Variants in DOCK4 observed in about 807,000 individuals in gnomAD.
The protein encoded by DOCK4 is dedicator of cytokinesis protein 4.
DOCK4 carries 97 observed loss-of-function variants against 268.1 expected under a neutral mutation model. The ratio of observed to expected loss-of-function variants is 0.36; its 90% CI spans 0.31 to 0.43. DOCK4 has a LOEUF of 0.43. Among genes scored for constraint, DOCK4 ranks in the 20% least tolerant of loss-of-function variants. The probability of loss-of-function intolerance (pLI) is 1.00; values close to 1 mark genes in which losing one functional copy is unlikely to be tolerated. For missense variants in DOCK4, 2,145 were observed against 2,455.7 expected (o/e 0.87, Z 2.67); for synonymous variants, 954 against 887.2 (o/e 1.08, Z -1.34).
chr7:112,024,301 CT>C (rs1458206331), intron 1 of DOCK4, among the ~76,000 whole-genome samples: 1 of 152,150 alleles, frequency 6.6e-6, no homozygotes, highest in African/African-American at 2.4e-5. Context: ...CTAGTTGGAG[CT>C]TTTCCCTTGA....
chr7:112,018,235 T>TGTTATTTCC (rs1461221509), intron 1 of DOCK4, among the ~76,000 whole-genome samples: 1 of 147,972 alleles, frequency 6.8e-6, no homozygotes, highest in Non-Finnish European at 1.5e-5. Flanking sequence ...AATAAAACTC[T>TGTTATTTCC]GTTATTTCCA....
chr7:112,097,333 G>A (rs1182827033), intron 1 of DOCK4, among the ~76,000 whole-genome samples: 1 of 150,404 alleles, frequency 6.6e-6, no homozygotes, highest in Non-Finnish European at 1.5e-5. Flanking sequence ...CAGCACCTTG[G>A]GAGGCCGTGG....
At chr7:111,838,895 A>C (rs1292696283) in intron 25 of DOCK4, among the ~76,000 whole-genome samples, 1 of 152,258 alleles carries the variant, frequency 6.6e-6, no homozygotes, top group Non-Finnish European at 1.5e-5. Context: ...AATAAAAAAG[A>C]CATATGACAA....
At chr7:111,841,103 T>C (rs572392798) in intron 25 of DOCK4, among the ~76,000 whole-genome samples, 9 of 152,162 alleles carry the variant, frequency 5.9e-5, no homozygotes, top group African/African-American at 1.9e-4. Flanking sequence ...CTTTACAGAT[T>C]TGATGAAATC....
In DOCK4 at chr7:111,940,351, T is replaced by C. The variant is rs561397059; in HGVS notation, c.845-109A>G. On this transcript the variant is annotated intron_variant, in intron 10 of 52. Coordinates refer to ENST00000428084, the MANE Select transcript of DOCK4 (RefSeq NM_001363540.2). ...AGGCCATTGAAATGTAATTGGGCAA[T>C]AAAGAGCACCCAGGTTGGGCGTAAC... 36 of 1,427,426 alleles carry C rather than the reference T, an allele frequency of 2.5e-5. 1 individual carries two copies. The South Asian group carries it at 3.9e-4, about 16-fold the overall frequency. The allele number at this position is 1,427,426 out of a possible 1,614,324, so 88.4% of individuals were successfully genotyped here. A position where few individuals can be genotyped will look rare whatever the true frequency, so the allele number is the denominator to read the frequency against.
At chr7:112,019,525 T>C (rs548552739) in intron 1 of DOCK4, among the ~76,000 whole-genome samples, 199 of 152,292 alleles carry the variant, frequency 1.3e-3, no homozygotes, top group Middle Eastern at 6.8e-3. Context: ...AAGCAATCTA[T>C]ATAAATGAAT....
intron 1 of DOCK4, among the ~76,000 whole-genome samples, chr7:112,100,546 CA>C (rs1414317641): frequency 1.3e-5 from 2 of 152,240 alleles, no homozygotes; most frequent in Non-Finnish European, 2.9e-5. Flanking sequence ...CCATTCTTAG[CA>C]CCACATCTAC....
intron 1 of DOCK4, among the ~76,000 whole-genome samples, chr7:112,074,761 A>T (rs1389205841): frequency 1.3e-5 from 2 of 152,152 alleles, no homozygotes; most frequent in Admixed American, 1.3e-4. Flanking sequence ...CTACCCAGAG[A>T]TCTCACCAAC....
In DOCK4 at chr7:112,196,003, T is replaced by G. The variant is rs894189843; in HGVS notation, c.37+10099A>C. 4.6e-5 allele frequency among the ~76,000 whole-genome samples: 7 copies of G among 152,280 alleles called. No individual in the cohort carries two copies. In the East Asian group the frequency reaches 1.4e-3, roughly 29 times the overall value. The stretch of plus-strand genomic sequence containing the variant: ...CCCATGTAAATGTCATGCTCTCCCC[T>G]CTTCCTCACTCTCCCGTTTTCTTGA... On this transcript the variant is annotated intron_variant, in intron 1 of 52. Transcript: ENST00000428084.
At chr7:111,982,692 A>C (rs1021169271) in intron 7 of DOCK4, among the ~76,000 whole-genome samples, 1 of 152,230 alleles carries the variant, frequency 6.6e-6, no homozygotes, top group African/African-American at 2.4e-5. Context: ...CAGTCTTTTC[A>C]TGATACCATA....
chr7:112,165,523 CGTGTGTGTGTGTGT>C lies in DOCK4; in HGVS notation c.37+40565_37+40578del, dbSNP rs112020512. 6.8e-3 allele frequency among the ~76,000 whole-genome samples: 857 copies of C among 126,524 alleles called. 17 individuals are homozygous for C. In the East Asian group the frequency reaches 0.11, roughly 16 times the overall value. 83.0% of individuals were successfully genotyped at this position (126,524 alleles called of 152,430 possible). Reference sequence around the variant, plus strand: ...TTGTTGTTCATGGTGGAATAGTATACGTGTGTGTGTGTGTGTGTGTGTGTGTGTGTGTGTGTGCG... The same window carrying C: ...TTGTTGTTCATGGTGGAATAGTATACGTGTGTGTGTGTGTGTGTGTGTGCG... On this transcript the variant is annotated intron_variant, in intron 1 of 52. Transcript: ENST00000428084.
Position 111,880,600 on chromosome 7 carries a change from A to C in DOCK4, c.1588-3414T>G, listed in dbSNP as rs372973414. Among the ~76,000 whole-genome samples the C allele has an allele frequency of 5.3e-5, 8 of 152,338 alleles. No individual in the cohort carries two copies. In the East Asian group the frequency reaches 9.6e-4, roughly 18 times the overall value. On this transcript the variant is annotated intron_variant, in intron 16 of 52. Coordinates refer to ENST00000428084, the MANE Select transcript of DOCK4 (RefSeq NM_001363540.2). ...GTGGTGTGTAAAATACTCTTTACTT[A>C]AGCAGAAAGACTAAATGATGAACCA... is the stretch of plus-strand genomic sequence containing the variant.
At chr7:112,050,286 C>G (rs952405212) in intron 1 of DOCK4, among the ~76,000 whole-genome samples, 1 of 152,110 alleles carries the variant, frequency 6.6e-6, no homozygotes, top group Non-Finnish European at 1.5e-5. Context: ...AGGTCTCCAA[C>G]TGAGATAAAC....
chr7:111,755,236 G>A (rs140131161), intron 42 of DOCK4, among the ~76,000 whole-genome samples: 2 of 152,250 alleles, frequency 1.3e-5, no homozygotes, highest in Admixed American at 1.3e-4. Context: ...AATTAGGAGA[G>A]CTGGAATTCC....
At position 111,788,780 on chromosome 7, in the gene DOCK4, C is replaced by G. The variant is rs185523470; in HGVS notation, c.3316-33G>C. Reference sequence around the variant, plus strand: ...ATACCCAACTATTATTCTCTTTCCTCCCCTTCACAAGTAGGATTTCTAGGC... The same window carrying G: ...ATACCCAACTATTATTCTCTTTCCTGCCCTTCACAAGTAGGATTTCTAGGC... On this transcript the variant is annotated intron_variant, in intron 31 of 52. Coordinates refer to ENST00000428084, the MANE Select transcript of DOCK4 (RefSeq NM_001363540.2). 84 of 1,514,988 alleles carry G rather than the reference C, an allele frequency of 5.5e-5. 1 individual carries two copies. The highest frequency in any genetic ancestry group is 3.7e-4 in the South Asian group (31 of 83,960). 93.8% of individuals were successfully genotyped at this position (1,514,988 alleles called of 1,614,324 possible). A position where few individuals can be genotyped will look rare whatever the true frequency, so the allele number is the denominator to read the frequency against.
chr7:111,895,280 A>C (rs1312333821), intron 16 of DOCK4, among the ~76,000 whole-genome samples: 1 of 152,234 alleles, frequency 6.6e-6, no homozygotes, highest in Non-Finnish European at 1.5e-5. Context: ...ACACAGACCT[A>C]GATAAGAAAG....
intron 39 of DOCK4, among the ~76,000 whole-genome samples, chr7:111,764,104 G>C (rs1442842921): frequency 6.6e-6 from 1 of 152,150 alleles, no homozygotes; most frequent in African/African-American, 2.4e-5. Context: ...GCAACAAGGA[G>C]ATTTCACATT....
intron 16 of DOCK4, among the ~76,000 whole-genome samples, chr7:111,880,110 A>G (rs1807256151): frequency 6.6e-6 from 1 of 152,172 alleles, no homozygotes; most frequent in South Asian, 2.1e-4. Context: ...ATTTAACCCA[A>G]AGAAGACTAC....
chr7:111,728,807 C>G, intron 52 of DOCK4, 87 bp from the exon 53 acceptor site: 1 of 1,337,590 alleles, frequency 7.5e-7, no homozygotes. Flanking sequence ...GACGCGGAGG[C>G]CCCGGCCCCC....
Sources: gnomAD v4.1 joint callset for allele counts (sites outside exome capture counted in the v4.1 genomes callset) on GRCh38, gnomAD v4.1.1 for gene constraint, MANE v1.5 for transcripts, NCBI Gene and HGNC (gene_info 2026-07-23, HGNC 2026-07-21) for gene names.